Variants in PC observed in about 807,000 individuals in gnomAD.
PC encodes pyruvate carboxylase, mitochondrial.
In PC, 46 loss-of-function variants were observed where a neutral mutation model predicts 107.8. The observed-to-expected ratio is 0.43, with a 90% CI of 0.34 to 0.55. The LOEUF (loss-of-function observed/expected upper bound fraction) is 0.55. PC is among the 20% of genes least tolerant of loss of function. The pLI is 0.04. For missense variants in PC, 1,241 were observed against 1,643.1 expected (o/e 0.76, Z 4.23); for synonymous variants, 662 against 684.7 (o/e 0.97, Z 0.52).
intron 1 of PC, among the ~76,000 whole-genome samples, chr11:66,956,623 C>T (rs1949567344): frequency 1.3e-5 from 2 of 152,102 alleles, no homozygotes; most frequent in Admixed American, 6.6e-5. Context: ...AACAAAACCT[C>T]TCCAGAATAA....
At chr11:66,882,329 G>A (rs560061338) in intron 3 of PC, among the ~76,000 whole-genome samples, 8 of 152,324 alleles carry the variant, frequency 5.3e-5, no homozygotes, top group Non-Finnish European at 1.2e-4. Flanking sequence ...GCCCCACATC[G>A]CTTCGTCCTA....
At chr11:66,908,745 C>A (rs1459874567) in intron 3 of PC, among the ~76,000 whole-genome samples, 8 of 152,302 alleles carry the variant, frequency 5.3e-5, no homozygotes, top group Admixed American at 2.0e-4. Flanking sequence ...AGCGGGTAGG[C>A]TGAGCCTGCT....
chr11:66,892,748 G>A (rs922354064), intron 3 of PC, among the ~76,000 whole-genome samples: 3 of 152,100 alleles, frequency 2.0e-5, no homozygotes, highest in Non-Finnish European at 1.5e-5. Context: ...CCAGCTACTC[G>A]GGAGGCTGAG....
Position 66,858,843 on chromosome 11 carries a change from C to A in PC, c.1368+4931G>T, listed in dbSNP as rs767165983. 6.4e-7 allele frequency: 1 copy of A among 1,551,856 alleles called. No individual in the cohort carries two copies. The highest frequency in any genetic ancestry group is 2.4e-5 in the East Asian group (1 of 41,178). On this transcript the variant is annotated intron_variant, in intron 12 of 22. Coordinates refer to ENST00000393960, the MANE Select transcript of PC (RefSeq NM_001040716.2). This position sits in a 1 kb window ranked among gnomAD's most constrained non-coding sequence, Gnocchi z 5.9. The stretch of plus-strand genomic sequence containing the variant: ...TGAGGCCACAGCCCGAGTAGAACTG[C>A]GGGTGCTGGCCTTGCCCCATGGTGG...
intron 3 of PC, among the ~76,000 whole-genome samples, chr11:66,889,875 CAT>C: frequency 6.6e-6 from 1 of 151,214 alleles, no homozygotes; most frequent in Non-Finnish European, 1.5e-5. Flanking sequence ...TGCCCATAAC[CAT>C]ATGTTCTAAT....
rs768062036 is a variant in PC, at chr11:66,866,370, G to C, written c.1023-21C>G. ...CTACGCTGTAGGGCATTGGGGGGAGGGGGGAAAGGACGGGAGAAAGGGGGA... is the reference window on the plus strand; with the variant it reads ...CTACGCTGTAGGGCATTGGGGGGAGCGGGGAAAGGACGGGAGAAAGGGGGA... On this transcript the variant is annotated intron_variant, in intron 10 of 22. Transcript: ENST00000393960. The surrounding 1 kb of genome is among the most constrained non-coding windows in gnomAD (Gnocchi z 5.4). The C allele has an allele frequency of 1.9e-6, 3 of 1,596,296 alleles. No individual in the cohort carries two copies. The highest frequency in any genetic ancestry group is 2.3e-5 in the East Asian group (1 of 44,394).
intron 11 of PC, among the ~76,000 whole-genome samples, chr11:66,864,666 G>C (rs576727798): frequency 6.6e-6 from 1 of 152,246 alleles, no homozygotes; most frequent in African/African-American, 2.4e-5. Context: ...AACCAAGGGC[G>C]AGGAGAGGGC....
intron 13 of PC, 66 bp downstream of exon 13, chr11:66,853,173 G>C (rs1945608196): frequency 6.3e-7 from 1 of 1,578,104 alleles, no homozygotes; most frequent in East Asian, 2.2e-5. Context: ...GTGGCAAGGA[G>C]GTAGGAGCAA....
At position 66,849,750 on chromosome 11, in the gene PC, G is replaced by A. The variant is rs145046106; in HGVS notation, c.3008C>T (p.Thr1003Met). 40 of 1,614,060 alleles carry A rather than the reference G, an allele frequency of 2.5e-5. No homozygotes were observed. Among genetic ancestry groups the A allele is most frequent in the Middle Eastern group, 1.6e-4 (1 of 6,084 alleles). ...AGCTGCTGAGAGCACATCTTCCGGC[G>A]TCACCTCCTCCCCATGCCGGTCTAC... is the stretch of plus-strand genomic sequence containing the variant. ...ELVDRHGEEV[T>M]PEDVLSAAMY... Residue 1003 changes from threonine to methionine, a missense_variant, in exon 21 of 23, where the codon ACG becomes ATG. Physicochemically the swap from Thr to Met is moderately conservative, Grantham distance 81. Around this residue, in one of 2 missense-constraint regions of PC, gnomAD observed 1,143 missense variants for 1,551.9 expected, o/e 0.74. Coordinates refer to ENST00000393960, the MANE Select transcript of PC (RefSeq NM_001040716.2).
At chr11:66,942,333 G>A (rs1949161203) in intron 3 of PC, among the ~76,000 whole-genome samples, 2 of 150,558 alleles carry the variant, frequency 1.3e-5, no homozygotes, top group South Asian at 4.2e-4. Context: ...CCGGGAGGTG[G>A]AGCTTGCAGT....
chr11:66,884,966 C>T (rs1947309756), intron 3 of PC, among the ~76,000 whole-genome samples: 2 of 152,310 alleles, frequency 1.3e-5, no homozygotes, highest in South Asian at 2.1e-4. Flanking sequence ...GGCCACCCCA[C>T]CCCTGCTGGA....
At chr11:66,855,824 T>C (rs116488602) in intron 12 of PC, among the ~76,000 whole-genome samples, 210 of 152,308 alleles carry the variant, frequency 1.4e-3, no homozygotes, top group African/African-American at 5.0e-3. Context: ...CATCCAACTC[T>C]CCTGGCCTAC....
At chr11:66,879,828 T>C (rs967313497) in intron 3 of PC, among the ~76,000 whole-genome samples, 1 of 152,038 alleles carries the variant, frequency 6.6e-6, no homozygotes, top group African/African-American at 2.4e-5. Flanking sequence ...TGTGATGGAT[T>C]TGGGATGTGC....
chr11:66,856,846 C>G (rs2135850853), intron 12 of PC: 1 of 149,984 alleles, frequency 6.7e-6, no homozygotes, highest in South Asian at 2.1e-4. Flanking sequence ...TGGCCGGGGG[C>G]GCGCGCGCCT....
intron 3 of PC, among the ~76,000 whole-genome samples, chr11:66,916,247 TTTACTA>T (rs1239492245): frequency 6.6e-6 from 1 of 152,248 alleles, no homozygotes; most frequent in African/African-American, 2.4e-5. Flanking sequence ...GCAGTTTTAT[TTTACTA>T]TTACTATTGT....
At chr11:66,859,207 C>A in intron 12 of PC, 2 of 1,302,520 alleles carry the variant, frequency 1.5e-6, no homozygotes, top group Non-Finnish European at 1.0e-6. Flanking sequence ...ACCCCCTCCC[C>A]GACCATGGCT....
At chr11:66,904,860 A>G (rs1002926792) in intron 3 of PC, among the ~76,000 whole-genome samples, 5 of 152,228 alleles carry the variant, frequency 3.3e-5, no homozygotes, top group Non-Finnish European at 1.5e-5. Flanking sequence ...ATCATCCATC[A>G]TATGACCTTG....
rs181040505 is a variant in PC, at chr11:66,887,698, A to T, written c.1-15539T>A. 7.1e-3 allele frequency among the ~76,000 whole-genome samples: 1,086 copies of T among 152,328 alleles called. 8 individuals are homozygous for T. The highest frequency in any genetic ancestry group is 0.012 in the South Asian group (56 of 4,828). ...GCCAGGGGCAGGGGAATCCTGCTGGAAAGTCTCCCGGGACTGAAGGACGCG... is the reference window on the plus strand; with the variant it reads ...GCCAGGGGCAGGGGAATCCTGCTGGTAAGTCTCCCGGGACTGAAGGACGCG... On this transcript the variant is annotated intron_variant, in intron 3 of 22. Coordinates refer to ENST00000393960, the MANE Select transcript of PC (RefSeq NM_001040716.2).
rs1297818915 is a variant in PC at position 66,955,574 on chromosome 11, CTAAT to C, written c.-227-1142_-227-1139del. On this transcript the variant is annotated intron_variant, in intron 1 of 22. Coordinates refer to ENST00000393960, the MANE Select transcript of PC (RefSeq NM_001040716.2). ...AACTGAGGAAACTTTGGATGACAGC[CTAAT>C]TAATTCAAAAAGCAGATACTGAGCA... is the stretch of plus-strand genomic sequence containing the variant. Among the ~76,000 whole-genome samples, 8 of 152,144 alleles carry C rather than the reference CTAAT, an allele frequency of 5.3e-5. No homozygotes were observed. The East Asian group carries it at 1.2e-3, about 22-fold the overall frequency.
Sources: gnomAD v4.1 joint callset for allele counts (sites outside exome capture counted in the v4.1 genomes callset) on GRCh38, gnomAD v4.1.1 for gene constraint, gnomAD v4.1.1 regional missense constraint, Gnocchi (gnomAD v3.1) non-coding constraint, MANE v1.5 for transcripts, NCBI Gene and HGNC (gene_info 2026-07-23, HGNC 2026-07-21) for gene names.